The following CTSO variants were observed in gnomAD, a reference collection of about 807,000 sequenced individuals.
CTSO encodes the protein cathepsin O.
In CTSO, 40 loss-of-function variants were observed where a neutral mutation model predicts 42.4. The ratio of observed to expected loss-of-function variants is 0.94; its 90% CI spans 0.73 to 1.23. The LOEUF is 1.23. CTSO is among the 50% of genes most tolerant of loss of function. The probability of loss-of-function intolerance (pLI) is 0.00; values close to 1 mark genes in which losing one functional copy is unlikely to be tolerated. For missense variants in CTSO, 441 were observed against 396.0 expected (o/e 1.11, Z -0.96); for synonymous variants, 156 against 146.2 (o/e 1.07, Z -0.48).
At chr4:155,934,431 G>C (rs138663046) in intron 5 of CTSO, among the ~76,000 whole-genome samples, 1 of 152,320 alleles carries the variant, frequency 6.6e-6, no homozygotes, top group Non-Finnish European at 1.5e-5. Flanking sequence ...AGTCCCACAG[G>C]AGCTGCGAGA....
chr4:155,948,280 A>G (rs1743584206), intron 1 of CTSO, among the ~76,000 whole-genome samples: 1 of 152,074 alleles, frequency 6.6e-6, no homozygotes. Flanking sequence ...CATACCTAGG[A>G]CCCTGTCCCT....
chr4:155,945,409 C>G (rs1054397229), intron 1 of CTSO, among the ~76,000 whole-genome samples: 1 of 152,110 alleles, frequency 6.6e-6, no homozygotes, highest in Non-Finnish European at 1.5e-5. Flanking sequence ...AATAAATTGG[C>G]AAACTGTACA....
chr4:155,930,804 T>G (rs1186450875), intron 5 of CTSO, among the ~76,000 whole-genome samples: 2 of 152,212 alleles, frequency 1.3e-5, no homozygotes, highest in African/African-American at 4.8e-5. Flanking sequence ...TTTTATACAT[T>G]TATTCATGTT....
At chr4:155,927,023 C>A (rs1438260867) in intron 7 of CTSO, among the ~76,000 whole-genome samples, 1 of 152,140 alleles carries the variant, frequency 6.6e-6, no homozygotes, top group Non-Finnish European at 1.5e-5. Context: ...ATGTACGAGT[C>A]CCCAGTGATG....
chr4:155,944,985 A>G (rs1743514885), intron 1 of CTSO, among the ~76,000 whole-genome samples: 1 of 147,588 alleles, frequency 6.8e-6, no homozygotes, highest in African/African-American at 2.5e-5. Flanking sequence ...GCCTGGGAGC[A>G]GTGGCTCACA....
Position 155,925,466 on chromosome 4 carries a change from T to C in CTSO, c.*570A>G, listed in dbSNP as rs1242580769. 6.6e-6 allele frequency: 1 copy of C among 152,286 alleles called. No individual in the cohort carries two copies. The allele number at this position is 152,286 out of a possible 1,614,324, so 9.4% of individuals were successfully genotyped here. On this transcript the variant is annotated 3_prime_UTR_variant, in exon 8 of 8. Coordinates refer to ENST00000433477, the MANE Select transcript of CTSO (RefSeq NM_001334.3). ...TTTCCTTCCTTCTACGTGGTCACTC[T>C]GCTGTTCAAAGGGTAAGCACCATTT... is the stretch of plus-strand genomic sequence containing the variant.
At chr4:155,930,115 T>C (rs760796606) in intron 5 of CTSO, among the ~76,000 whole-genome samples, 6 of 152,230 alleles carry the variant, frequency 3.9e-5, no homozygotes, top group African/African-American at 1.2e-4. Context: ...CTCAGTCATA[T>C]GGCTAAGTCT....
chr4:155,934,865 G>T (rs529686444), intron 5 of CTSO, among the ~76,000 whole-genome samples: 1 of 152,238 alleles, frequency 6.6e-6, no homozygotes, highest in Non-Finnish European at 1.5e-5. Context: ...ATGAGACTTT[G>T]GACTGTGGAC....
At position 155,937,490 on chromosome 4, in the gene CTSO, G is replaced by T; in HGVS notation, c.553-7C>A. On this transcript the variant is annotated splice_region_variant and splice_polypyrimidine_tract_variant and intron_variant, in intron 4 of 7. Coordinates refer to ENST00000433477, the MANE Select transcript of CTSO (RefSeq NM_001334.3). ...TCACCAGTTTTACTTGCATCTAAAA[G>T]AAAACAATCACTGAACATGTTTACT... The T allele has an allele frequency of 6.2e-7, 1 of 1,611,570 alleles. No homozygotes were observed. Among genetic ancestry groups the T allele is most frequent in the Non-Finnish European group, 8.5e-7 (1 of 1,178,360 alleles).
intron 2 of CTSO, 46 bp downstream of exon 2, chr4:155,943,110 C>A (rs746094899): frequency 1.5e-5 from 17 of 1,097,188 alleles, no homozygotes; most frequent in South Asian, 2.8e-5. Context: ...GTTAAGCAAG[C>A]AAATTAAAAT....
chr4:155,932,407 A>G (rs1448169959), intron 5 of CTSO, among the ~76,000 whole-genome samples: 1 of 152,120 alleles, frequency 6.6e-6, no homozygotes, highest in African/African-American at 2.4e-5. Flanking sequence ...CATACATGGA[A>G]ATAATATTAT....
At chr4:155,951,937 T>C (rs944831614) in intron 1 of CTSO, among the ~76,000 whole-genome samples, 1 of 152,174 alleles carries the variant, frequency 6.6e-6, no homozygotes, top group Non-Finnish European at 1.5e-5. Context: ...ATGTCTTCCA[T>C]GAATCCGGTC....
At chr4:155,939,328 A>G in intron 4 of CTSO, 43 bp downstream of exon 4, 1 of 1,517,946 alleles carries the variant, frequency 6.6e-7, no homozygotes, top group African/African-American at 1.4e-5. Context: ...GTAAACAAGC[A>G]AAAAAGGAAA....
intron 5 of CTSO, among the ~76,000 whole-genome samples, chr4:155,934,631 A>T (rs1245994880): frequency 6.6e-6 from 1 of 152,200 alleles, no homozygotes; most frequent in Non-Finnish European, 1.5e-5. Context: ...CATGACTTGG[A>T]TGTGAGATCT....
intron 7 of CTSO, among the ~76,000 whole-genome samples, chr4:155,926,279 G>A (rs1317257431): frequency 6.6e-6 from 1 of 152,030 alleles, no homozygotes; most frequent in Non-Finnish European, 1.5e-5. Flanking sequence ...TAATATTTTT[G>A]TTTGAAGAAA....
At chr4:155,945,471 T>G (rs373144609) in intron 1 of CTSO, among the ~76,000 whole-genome samples, 1 of 152,034 alleles carries the variant, frequency 6.6e-6, no homozygotes, top group Non-Finnish European at 1.5e-5. Context: ...AAAGGAGAAA[T>G]AGAAAACTTG....
At chr4:155,943,317 A>C (rs1189295474) in intron 1 of CTSO, 53 bp from the exon 2 acceptor site, 1 of 1,119,200 alleles carries the variant, frequency 8.9e-7, no homozygotes, top group Non-Finnish European at 1.3e-6. Context: ...TTTCCAAAGT[A>C]AACTGTGTAT....
chr4:155,929,639 T>C lies in CTSO; in HGVS notation c.741A>G (p.Ala247=). ...TFGPLVVIVD[A]VSWQDYLGGI... ...CTCCCAGATAATCTTGCCAGCTCAC[T>C]GCATCTACTATGACTACCAAAGGGC... Residue 247 remains alanine (A), a synonymous_variant, in exon 6 of 8, where the codon GCA becomes GCG. Transcript: ENST00000433477. 1 of 1,614,010 alleles carries C rather than the reference T, an allele frequency of 6.2e-7. No individual in the cohort carries two copies. Among genetic ancestry groups the C allele is most frequent in the Non-Finnish European group, 8.5e-7 (1 of 1,179,994 alleles).
intron 5 of CTSO, among the ~76,000 whole-genome samples, chr4:155,933,731 T>G (rs1197776941): frequency 6.6e-6 from 1 of 152,194 alleles, no homozygotes; most frequent in Admixed American, 6.5e-5. Flanking sequence ...GCAACCAGAC[T>G]GGCAGCATTT....
Sources: gnomAD v4.1 joint callset for allele counts (sites outside exome capture counted in the v4.1 genomes callset) on GRCh38, gnomAD v4.1.1 for gene constraint, MANE v1.5 for transcripts, NCBI Gene and HGNC (gene_info 2026-07-23, HGNC 2026-07-21) for gene names.